The following HDAC9 variants were observed in gnomAD, a reference collection of about 807,000 sequenced individuals.
The protein encoded by HDAC9 is MEF-2 interacting transcription repressor (MITR) protein.
In HDAC9, 41 loss-of-function variants were observed where a neutral mutation model predicts 139.4. The observed-to-expected ratio is 0.29, with a 90% CI of 0.23 to 0.38. The LOEUF is 0.38. Among genes scored for constraint, HDAC9 ranks in the 10% least tolerant of loss-of-function variants. HDAC9 has a pLI of 1.00. For synonymous variants in HDAC9, 517 were observed against 476.2 expected (o/e 1.09, Z -1.12); for missense variants, 1,147 against 1,297.0 (o/e 0.88, Z 1.78).
At chr7:18,107,072 G>A (rs965579368) in intron 1 of HDAC9, among the ~76,000 whole-genome samples, 1 of 152,040 alleles carries the variant, frequency 6.6e-6, no homozygotes, top group African/African-American at 2.4e-5. Flanking sequence ...TAGTGGACTG[G>A]GTATGCAACT....
At chr7:18,739,127 T>C (rs1787205333) in intron 13 of HDAC9, among the ~76,000 whole-genome samples, 2 of 152,224 alleles carry the variant, frequency 1.3e-5, no homozygotes, top group Non-Finnish European at 2.9e-5. Flanking sequence ...ATTTCAGGTC[T>C]TCTCTACACT....
intron 6 of HDAC9, among the ~76,000 whole-genome samples, chr7:18,601,483 G>A (rs895341780): frequency 6.7e-6 from 1 of 150,148 alleles, no homozygotes; most frequent in Non-Finnish European, 1.5e-5. Flanking sequence ...ATGTCTTATT[G>A]CACTAGCTAG....
chr7:18,160,487 G>A (rs931096444), intron 1 of HDAC9, among the ~76,000 whole-genome samples: 3 of 152,078 alleles, frequency 2.0e-5, no homozygotes, highest in African/African-American at 7.2e-5. Flanking sequence ...CACCTATTAG[G>A]TCCAGGGTGA....
chr7:18,716,328 A>G (rs1784697508), intron 12 of HDAC9, among the ~76,000 whole-genome samples: 1 of 152,246 alleles, frequency 6.6e-6, no homozygotes, highest in Non-Finnish European at 1.5e-5. Flanking sequence ...GAAGTTAAAA[A>G]GCAAATGAAG....
At chr7:18,671,973 C>G (rs1380216936) in intron 12 of HDAC9, among the ~76,000 whole-genome samples, 9 of 152,008 alleles carry the variant, frequency 5.9e-5, no homozygotes, top group Admixed American at 5.9e-4. Context: ...GTTGAACACA[C>G]AGTTTTCACT....
At chr7:18,333,632 G>C (rs1049344216) in intron 1 of HDAC9, among the ~76,000 whole-genome samples, 3 of 151,426 alleles carry the variant, frequency 2.0e-5, no homozygotes, top group African/African-American at 7.3e-5. Context: ...TGCAGCCAAA[G>C]CTGTTCTCAT....
At chr7:18,308,863 G>A (rs1008801717) in intron 1 of HDAC9, among the ~76,000 whole-genome samples, 2 of 152,184 alleles carry the variant, frequency 1.3e-5, no homozygotes, top group African/African-American at 4.8e-5. Flanking sequence ...GATAGGGTTT[G>A]TTGAATGATC....
At position 18,326,249 on chromosome 7, in the gene HDAC9, C is replaced by T. The variant is rs1049611243; in HGVS notation, c.-42+35734C>T. ...AGGTTTTGGCCTTTACTTTCAAGAA[C>T]TTAACTTAAAGTGAAATTCCCTACA... On this transcript the variant is annotated intron_variant, in intron 1 of 3. Coordinates refer to the HDAC9 transcript ENST00000413509. Among the ~76,000 whole-genome samples the T allele has an allele frequency of 2.6e-5, 4 of 151,888 alleles. No homozygotes were observed. In the South Asian group the frequency reaches 6.2e-4, roughly 24 times the overall value.
At chr7:18,677,100 A>G (rs1410711451) in intron 12 of HDAC9, among the ~76,000 whole-genome samples, 1 of 151,718 alleles carries the variant, frequency 6.6e-6, no homozygotes, top group Non-Finnish European at 1.5e-5. Context: ...ATTCCAGAGA[A>G]TTCCCTCCTG....
rs536725540 is a variant in HDAC9, at chr7:18,699,892, T to G, written c.1732-27688T>G. Among the ~76,000 whole-genome samples, 36 of 152,246 alleles carry G rather than the reference T, an allele frequency of 2.4e-4. 1 individual carries two copies. Among genetic ancestry groups the G allele is most frequent in the African/African-American group, 8.7e-4 (36 of 41,556 alleles). On this transcript the variant is annotated intron_variant, in intron 12 of 25. Coordinates refer to ENST00000686413, the MANE Select transcript of HDAC9 (RefSeq NM_178425.4). ...TTTTTTGTATTTCATATATAAAATA[T>G]GTATATTTTTTAAAAATTTGATTCA... is the stretch of plus-strand genomic sequence containing the variant.
At chr7:18,892,411 A>C (rs1426764993) in intron 22 of HDAC9, 3 of 152,212 alleles carry the variant, frequency 2.0e-5, no homozygotes, top group Non-Finnish European at 4.4e-5. Flanking sequence ...AAAAAAGATA[A>C]GAAAGGGTCA....
intron 1 of HDAC9, among the ~76,000 whole-genome samples, chr7:18,303,424 T>TGTGTGTGTGTGTGTGTGTGTGTG (rs1562856317): frequency 9.0e-6 from 1 of 110,598 alleles, no homozygotes; most frequent in Non-Finnish European, 1.6e-5. Flanking sequence ...TGTGTGTGTG[T>TGTGTGTGTGTGTGTGTGTGTGTG]TTTTAGTAGA....
chr7:18,641,415 T>G (rs1409630918), intron 8 of HDAC9, among the ~76,000 whole-genome samples: 2 of 100,104 alleles, frequency 2.0e-5, no homozygotes, highest in Non-Finnish European at 5.8e-5. Context: ...TCTTTACTTT[T>G]CTGTGCACCT....
intron 1 of HDAC9, among the ~76,000 whole-genome samples, chr7:18,441,107 A>G (rs1035836): frequency 0.99 from 150,816 of 152,352 alleles, 74,664 homozygotes; most frequent in South Asian, 1. Context: ...TCAAATTCTC[A>G]TAAAAGCTGA....
intron 2 of HDAC9, among the ~76,000 whole-genome samples, chr7:18,539,985 C>T (rs557170322): frequency 1.5e-4 from 23 of 151,306 alleles, no homozygotes; most frequent in African/African-American, 5.6e-4. Context: ...TGGCCGGGCA[C>T]GGTGGCTCAT....
chr7:18,590,359 A>C lies in HDAC9; in HGVS notation c.288A>C (p.Ile96=). 1 of 1,612,544 alleles carries C rather than the reference A, an allele frequency of 6.2e-7. No homozygotes were observed. Among genetic ancestry groups the C allele is most frequent in the Non-Finnish European group, 8.5e-7 (1 of 1,179,308 alleles). ...HIKLQQELLA[I]KQQQELLEKE... is the part of the protein sequence containing the mutation. ...AGTTGCAACAGGAACTTCTAGCCAT[A>C]AAACAGCAACAAGAACTCCTAGAAA... is the stretch of plus-strand genomic sequence containing the variant. Residue 96 remains isoleucine (I), a synonymous_variant, in exon 4 of 26, where the codon ATA becomes ATC. Transcript: ENST00000686413.
chr7:18,223,138 C>A (rs995055916), intron 2 of HDAC9, among the ~76,000 whole-genome samples: 2 of 152,000 alleles, frequency 1.3e-5, no homozygotes, highest in African/African-American at 4.8e-5. Context: ...ATGTTTCTCT[C>A]GGGAACAGAT....
At chr7:18,547,032 CTA>C (rs961212793) in intron 2 of HDAC9, among the ~76,000 whole-genome samples, 43 of 152,074 alleles carry the variant, frequency 2.8e-4, no homozygotes, top group South Asian at 1.5e-3. Context: ...TATGTTTACT[CTA>C]CAGTGTAGTC....
chr7:18,161,005 A>T (rs993471512), intron 1 of HDAC9, among the ~76,000 whole-genome samples: 2 of 152,224 alleles, frequency 1.3e-5, no homozygotes, highest in African/African-American at 4.8e-5. Context: ...TTCTGTAGAG[A>T]TGTTGCTTTC....
Sources: gnomAD v4.1 joint callset for allele counts (sites outside exome capture counted in the v4.1 genomes callset) on GRCh38, gnomAD v4.1.1 for gene constraint, MANE v1.5 for transcripts, NCBI Gene and HGNC (gene_info 2026-07-23, HGNC 2026-07-21) for gene names.